Variants in ADGRL2 observed in about 807,000 individuals in gnomAD.
ADGRL2 encodes adhesion G protein-coupled receptor L2, also known as calcium-independent alpha-latrotoxin receptor 2.
In ADGRL2, 44 loss-of-function variants were observed where a neutral mutation model predicts 157.4. The observed-to-expected ratio is 0.28, with a 90% CI of 0.22 to 0.36. The LOEUF (loss-of-function observed/expected upper bound fraction) is 0.36, where lower values mean the gene tolerates loss of function less well. Ranked by LOEUF, ADGRL2 falls within the 10% of genes least tolerant of loss-of-function variation. The pLI, the probability that ADGRL2 is intolerant of heterozygous loss-of-function variation, is 1.00. For missense variants in ADGRL2, 1,510 were observed against 1,768.9 expected (o/e 0.85, Z 2.63); for synonymous variants, 585 against 624.7 (o/e 0.94, Z 0.95).
chr1:81,896,308 A>T (rs75450579), intron 2 of ADGRL2, among the ~76,000 whole-genome samples: 3 of 98,170 alleles, frequency 3.1e-5, no homozygotes, highest in African/African-American at 9.0e-5. Context: ...AACTAGTTAT[A>T]AAAAAAAATA....
intron 2 of ADGRL2, among the ~76,000 whole-genome samples, chr1:81,512,353 G>A (rs2079095347): frequency 6.6e-6 from 1 of 152,220 alleles, no homozygotes; most frequent in Non-Finnish European, 1.5e-5. Context: ...AATCAGAGCT[G>A]TGTCGGAGCA....
chr1:81,608,720 AT>A (rs1341024337), intron 3 of ADGRL2, among the ~76,000 whole-genome samples: 2 of 152,108 alleles, frequency 1.3e-5, no homozygotes, highest in Admixed American at 1.3e-4. Context: ...ACTCTTCTCC[AT>A]TGCCTGTTTG....
At chr1:81,319,703 T>C (rs1217288778) in intron 1 of ADGRL2, among the ~76,000 whole-genome samples, 1 of 152,208 alleles carries the variant, frequency 6.6e-6, no homozygotes, top group Non-Finnish European at 1.5e-5. Context: ...ATTTCACTTC[T>C]TAGAACAAGG....
intron 2 of ADGRL2, among the ~76,000 whole-genome samples, chr1:81,468,637 T>C (rs2078109573): frequency 6.6e-6 from 1 of 152,202 alleles, no homozygotes; most frequent in South Asian, 2.1e-4. Context: ...TTGTTAATGT[T>C]TAAAGGATGA....
chr1:81,519,394 A>G (rs1306051120), intron 2 of ADGRL2, among the ~76,000 whole-genome samples: 3 of 152,188 alleles, frequency 2.0e-5, no homozygotes, highest in East Asian at 1.9e-4. Flanking sequence ...TTATTCCATT[A>G]CTATTGAATG....
intron 2 of ADGRL2, among the ~76,000 whole-genome samples, chr1:81,574,370 T>C (rs775500509): frequency 6.6e-6 from 1 of 152,134 alleles, no homozygotes; most frequent in Non-Finnish European, 1.5e-5. Flanking sequence ...AATTGCCAAA[T>C]GGGGTGAAGC....
intron 1 of ADGRL2, among the ~76,000 whole-genome samples, chr1:81,700,141 C>G (rs964840058): frequency 6.6e-6 from 1 of 152,128 alleles, no homozygotes; most frequent in Non-Finnish European, 1.5e-5. Context: ...TAGTAGCCAC[C>G]TTTATTCAAG....
At position 81,904,439 on chromosome 1, in the gene ADGRL2, G is replaced by C. The variant is rs183474583; in HGVS notation, c.74-2578G>C. 1.8e-4 allele frequency among the ~76,000 whole-genome samples: 28 copies of C among 152,218 alleles called. No individual in the cohort carries two copies. The East Asian group carries it at 5.2e-3, about 28-fold the overall frequency. On this transcript the variant is annotated intron_variant, in intron 2 of 23. Transcript: ENST00000686636. ...TTGCTATAGGAAAATACTCAGACTG[G>C]GTAATTTATAAAGAAAAGAGTTTTA...
chr1:81,540,096 C>T (rs1194556344), intron 2 of ADGRL2, among the ~76,000 whole-genome samples: 1 of 152,128 alleles, frequency 6.6e-6, no homozygotes, highest in East Asian at 1.9e-4. Context: ...ACGATTGTTT[C>T]TCCATCTGTA....
At chr1:81,354,317 C>T (rs1056469856) in intron 1 of ADGRL2, among the ~76,000 whole-genome samples, 3 of 152,186 alleles carry the variant, frequency 2.0e-5, no homozygotes, top group Non-Finnish European at 2.9e-5. Context: ...AACTAATATT[C>T]TGTTTCTTCC....
At chr1:81,422,197 TA>T (rs1482559351) in intron 1 of ADGRL2, among the ~76,000 whole-genome samples, 6 of 146,646 alleles carry the variant, frequency 4.1e-5, no homozygotes, top group Non-Finnish European at 4.5e-5. Context: ...CTTTTTTTTT[TA>T]ACATAAATTA....
At chr1:81,701,931 C>G (rs1454934203) in intron 1 of ADGRL2, among the ~76,000 whole-genome samples, 1 of 152,174 alleles carries the variant, frequency 6.6e-6, no homozygotes, top group Non-Finnish European at 1.5e-5. Context: ...GGGGAAAGCC[C>G]ACATTACAGA....
chr1:81,834,736 T>C (rs183124103), intron 1 of ADGRL2, among the ~76,000 whole-genome samples: 2 of 152,264 alleles, frequency 1.3e-5, no homozygotes, highest in South Asian at 2.1e-4. Context: ...GCAGATTGAC[T>C]TAAGCTTTAT....
At chr1:81,611,018 T>G (rs1390990379) in intron 3 of ADGRL2, among the ~76,000 whole-genome samples, 3 of 152,218 alleles carry the variant, frequency 2.0e-5, no homozygotes, top group Non-Finnish European at 4.4e-5. Context: ...CTAAGCCAGT[T>G]TCTTCCACTA....
chr1:81,918,215 C>T (rs978260422), intron 3 of ADGRL2, among the ~76,000 whole-genome samples: 3 of 152,110 alleles, frequency 2.0e-5, no homozygotes, highest in Non-Finnish European at 4.4e-5. Context: ...AGAAATACTT[C>T]TGTTACTCAT....
At chr1:81,351,167 T>C (rs1337746725) in intron 1 of ADGRL2, among the ~76,000 whole-genome samples, 25 of 152,076 alleles carry the variant, frequency 1.6e-4, no homozygotes, top group Admixed American at 1.6e-3. Context: ...AGTTTAAAGT[T>C]GCAGGAGCCT....
chr1:81,349,870 AAAC>A (rs1020656869), intron 1 of ADGRL2, among the ~76,000 whole-genome samples: 5 of 152,054 alleles, frequency 3.3e-5, no homozygotes, highest in South Asian at 2.1e-4. Flanking sequence ...AAAAAAAATC[AAAC>A]AACAACAAAA....
At chr1:81,796,049 G>A (rs965907199), upstream of ADGRL2, among the ~76,000 whole-genome samples, 4 of 152,178 alleles carry the variant, frequency 2.6e-5, no homozygotes, top group African/African-American at 9.7e-5. Context: ...GGAGTGCAGT[G>A]GCACTATCTC....
At chr1:81,512,751 A>G (rs1435191328) in intron 2 of ADGRL2, among the ~76,000 whole-genome samples, 2 of 152,192 alleles carry the variant, frequency 1.3e-5, no homozygotes, top group African/African-American at 4.8e-5. Context: ...ACAGTGTACC[A>G]TTCAGTAATA....
Sources: gnomAD v4.1 joint callset for allele counts (sites outside exome capture counted in the v4.1 genomes callset) on GRCh38, gnomAD v4.1.1 for gene constraint, MANE v1.5 for transcripts, NCBI Gene and HGNC (gene_info 2026-07-23, HGNC 2026-07-21) for gene names.